ITCH: variants seen among roughly 807,000 people sequenced by gnomAD.
ITCH encodes the protein itchy E3 ubiquitin protein ligase.
ITCH carries 28 observed loss-of-function variants against 126.8 expected under a neutral mutation model. The ratio of observed to expected loss-of-function variants is 0.22; its 90% CI spans 0.16 to 0.30. The LOEUF (loss-of-function observed/expected upper bound fraction) is 0.30, where lower values mean the gene tolerates loss of function less well. Among genes scored for constraint, ITCH ranks in the 10% least tolerant of loss-of-function variants. The probability of loss-of-function intolerance (pLI) is 1.00; values close to 1 mark genes in which losing one functional copy is unlikely to be tolerated. For missense variants in ITCH, 631 were observed against 1,032.4 expected (o/e 0.61, Z 5.33); for synonymous variants, 342 against 340.0 (o/e 1.01, Z -0.06).
chr20:34,493,536 C>G (rs974303667), intron 23 of ITCH, among the ~76,000 whole-genome samples: 4 of 151,998 alleles, frequency 2.6e-5, no homozygotes, highest in African/African-American at 9.7e-5. Context: ...GGGGTAGATA[C>G]TAGGTAAAGT....
chr20:34,432,718 G>A (rs1335888035), intron 7 of ITCH, among the ~76,000 whole-genome samples: 1 of 152,128 alleles, frequency 6.6e-6, no homozygotes, highest in African/African-American at 2.4e-5. Context: ...ACCTTTGGGA[G>A]GCCAAGGCAG....
intron 16 of ITCH, among the ~76,000 whole-genome samples, chr20:34,475,431 T>C (rs1404641776): frequency 6.6e-6 from 1 of 152,194 alleles, no homozygotes; most frequent in Non-Finnish European, 1.5e-5. Context: ...GGCTGGCGGA[T>C]CACTCGCGGT....
At chr20:34,462,300 G>A in intron 14 of ITCH, 79 bp downstream of exon 14, 1 of 1,437,938 alleles carries the variant, frequency 7.0e-7, no homozygotes, top group Non-Finnish European at 9.7e-7. Context: ...TATTAGCAAG[G>A]AGTGGAAGTC....
At chr20:34,373,632 A>G (rs1207007096) in intron 2 of ITCH, among the ~76,000 whole-genome samples, 1 of 152,110 alleles carries the variant, frequency 6.6e-6, no homozygotes, top group African/African-American at 2.4e-5. Context: ...GTGAAAAAGC[A>G]ATCTCTGCCC....
intron 7 of ITCH, among the ~76,000 whole-genome samples, 155 bp from the exon 8 acceptor site, chr20:34,438,319 C>T (rs534260329): frequency 6.6e-6 from 1 of 152,304 alleles, no homozygotes; most frequent in Non-Finnish European, 1.5e-5. Context: ...CCCAAAGGCT[C>T]TTTATGTATT....
At chr20:34,423,359 G>A (rs973972120) in intron 6 of ITCH, among the ~76,000 whole-genome samples, 1 of 152,120 alleles carries the variant, frequency 6.6e-6, no homozygotes, top group African/African-American at 2.4e-5. Flanking sequence ...GCTAAGTATG[G>A]TATAGTATAG....
intron 6 of ITCH, among the ~76,000 whole-genome samples, chr20:34,414,857 G>A (rs1025684828): frequency 1.3e-5 from 2 of 152,132 alleles, no homozygotes; most frequent in Non-Finnish European, 2.9e-5. Context: ...TACTTCTGTA[G>A]GCTACACTTA....
At chr20:34,394,426 CT>C (rs773554692) in intron 3 of ITCH, among the ~76,000 whole-genome samples, 11 of 151,990 alleles carry the variant, frequency 7.2e-5, no homozygotes, top group Non-Finnish European at 1.3e-4. Flanking sequence ...GTATTAACAG[CT>C]TTATTGAGAT....
At chr20:34,392,847 G>A (rs1162726522) in intron 2 of ITCH, among the ~76,000 whole-genome samples, 2 of 152,140 alleles carry the variant, frequency 1.3e-5, no homozygotes, top group African/African-American at 2.4e-5. Flanking sequence ...CAGCTACTCA[G>A]GAGGCTGAAG....
At chr20:34,484,944 C>T (rs1387729132) in intron 20 of ITCH, among the ~76,000 whole-genome samples, 3 of 152,196 alleles carry the variant, frequency 2.0e-5, no homozygotes, top group African/African-American at 7.2e-5. Context: ...GCACACCTCC[C>T]TTCTCCCAGC....
At chr20:34,409,289 C>T (rs1978640267) in intron 4 of ITCH, among the ~76,000 whole-genome samples, 1 of 151,990 alleles carries the variant, frequency 6.6e-6, no homozygotes, top group East Asian at 1.9e-4. Context: ...AACTCCTGGC[C>T]TCAAGAGATC....
chr20:34,420,683 T>A (rs969244461), intron 6 of ITCH, among the ~76,000 whole-genome samples: 2 of 152,252 alleles, frequency 1.3e-5, no homozygotes, highest in African/African-American at 4.8e-5. Flanking sequence ...GAATTTTTTT[T>A]AAAACATTCT....
intron 16 of ITCH, 93 bp from the exon 17 acceptor site, chr20:34,477,679 G>T: frequency 8.8e-7 from 1 of 1,132,160 alleles, no homozygotes. Context: ...GGAGATTTCA[G>T]TTACCTATAA....
chr20:34,400,685 G>A (rs1191367404), intron 3 of ITCH, among the ~76,000 whole-genome samples: 1 of 122,808 alleles, frequency 8.1e-6, no homozygotes, highest in East Asian at 2.4e-4. Flanking sequence ...TCGTTCTGTC[G>A]CCCAGGCTGG....
At chr20:34,500,172 T>G (rs1990160326) in intron 23 of ITCH, among the ~76,000 whole-genome samples, 1 of 152,200 alleles carries the variant, frequency 6.6e-6, no homozygotes, top group African/African-American at 2.4e-5. Context: ...GATGAAATGT[T>G]CTATGAATGA....
chr20:34,393,836 G>A lies in ITCH; in HGVS notation c.25G>A (p.Gly9Ser). The change falls in exon 3 of 25, where the codon GGT (glycine) becomes AGT (serine). Residue 9 changes from glycine to serine, a missense_variant. Around this residue, in one of 4 missense-constraint regions of ITCH, gnomAD observed 19 missense variants for 17.5 expected, o/e 1.08. Transcript: ENST00000374864. MSDSGSQL[G>S]SMGSLTMKSQ... ...TATGTCTGACAGTGGATCACAACTT[G>A]GTTCAATGGGTAGCCTCACCATGAA... The A allele has an allele frequency of 1.5e-5, 24 of 1,613,986 alleles. No individual in the cohort carries two copies. The highest frequency in any genetic ancestry group is 2.0e-5 in the Non-Finnish European group (24 of 1,179,904).
intron 2 of ITCH, 139 bp from the exon 3 acceptor site, chr20:34,393,652 C>A: frequency 4.3e-6 from 3 of 699,428 alleles, no homozygotes; most frequent in Non-Finnish European, 7.9e-6. Context: ...AGGATAAAGA[C>A]TAGAATTGAA....
Position 34,477,921 on chromosome 20 carries a change from C to T in ITCH, c.1658+61C>T, listed in dbSNP as rs76117606. 2.1e-4 allele frequency: 331 copies of T among 1,598,324 alleles called. No individual in the cohort carries two copies. In the African/African-American group the frequency reaches 4.0e-3, roughly 19 times the overall value. On this transcript the variant is annotated intron_variant, in intron 17 of 24. Coordinates refer to ENST00000374864, the MANE Select transcript of ITCH (RefSeq NM_031483.7). ...TTCCTCCAAAGGTACCATTGCACTT[C>T]GCTTGCAAGTATTATTTTCTCAATC...
At chr20:34,506,095 C>T (rs1238422805) in intron 24 of ITCH, among the ~76,000 whole-genome samples, 1 of 152,096 alleles carries the variant, frequency 6.6e-6, no homozygotes, top group African/African-American at 2.4e-5. Context: ...AGACATGTCT[C>T]AGTCTGTCAC....
Sources: allele counts gnomAD v4.1 joint callset (sites outside exome capture counted in the v4.1 genomes callset), GRCh38; gene constraint gnomAD v4.1.1; regional missense constraint gnomAD v4.1.1; transcripts MANE v1.5; gene names NCBI Gene and HGNC (gene_info 2026-07-23, HGNC 2026-07-21).